The following ATAD2B variants were observed in gnomAD, a reference collection of about 807,000 sequenced individuals.
ATAD2B encodes the protein ATPase family AAA domain-containing protein 2B.
Under a neutral mutation model 167.6 loss-of-function variants are expected in ATAD2B, and 40 were observed. That is an observed-to-expected ratio of 0.24 (90% CI 0.19 to 0.31). The LOEUF is 0.31. Among genes scored for constraint, ATAD2B ranks in the 10% least tolerant of loss-of-function variants. ATAD2B has a pLI of 1.00. For synonymous variants in ATAD2B, 579 were observed against 596.5 expected, an observed-to-expected ratio of 0.97 and a Z score of 0.43; for missense variants, 1,242 against 1,757.2, an observed-to-expected ratio of 0.71 and a Z score of 5.24.
chr2:23,869,633 C>T (rs1243146352), intron 9 of ATAD2B, 30 bp downstream of exon 9: 1 of 1,456,846 alleles, frequency 6.9e-7, no homozygotes, highest in East Asian at 2.4e-5. Flanking sequence ...TTTTTTCTAC[C>T]ATGGAAATAA....
chr2:23,823,361 G>C lies in ATAD2B; in HGVS notation c.2028C>G (p.Ser676=). 6.2e-7 allele frequency: 1 copy of C among 1,613,884 alleles called. No homozygotes were observed. Among genetic ancestry groups the C allele is most frequent in the Non-Finnish European group, 8.5e-7 (1 of 1,179,834 alleles). The change falls in exon 16 of 28, where the codon TCC becomes TCG. Residue 676 remains serine (S), a synonymous_variant. Transcript: ENST00000238789. The part of the protein sequence containing the change: ...RAVMSSGHAL[S]PIIRPLLERS... ...TTTCCAGCAGTGGTCTTATGATGGG[G>C]GATAGTGCATGCCCTGAAGACATCA... is the stretch of plus-strand genomic sequence containing the variant.
intron 1 of ATAD2B, 40 bp downstream of exon 1, chr2:23,926,515 G>A: frequency 3.9e-6 from 6 of 1,529,148 alleles, no homozygotes; most frequent in Non-Finnish European, 5.3e-6. Context: ...AGCAGGGCCG[G>A]CACTTCCGAG....
At chr2:23,689,787 C>CG in the ATAD2B span, 1 of 152,252 alleles carries the variant, frequency 6.6e-6, no homozygotes, top group Admixed American at 6.5e-5. Context: ...GCTCTGGGGC[C>CG]GGGGGTGTTG....
intron 16 of ATAD2B, among the ~76,000 whole-genome samples, chr2:23,821,148 T>G (rs1687383765): frequency 6.6e-6 from 1 of 152,182 alleles, no homozygotes; most frequent in South Asian, 2.1e-4. Context: ...GTTGCTCTTC[T>G]CCACTGGTTC....
chr2:23,849,886 A>G (rs1692284829), intron 13 of ATAD2B, among the ~76,000 whole-genome samples: 1 of 152,224 alleles, frequency 6.6e-6, no homozygotes, highest in Non-Finnish European at 1.5e-5. Context: ...GTCTTATTTT[A>G]TATTTATAGA....
At chr2:23,808,200 T>G (rs1218320607) in intron 18 of ATAD2B, among the ~76,000 whole-genome samples, 1 of 121,608 alleles carries the variant, frequency 8.2e-6, no homozygotes, top group African/African-American at 3.1e-5. Flanking sequence ...TTTATATTTA[T>G]ATAAAAATAT....
chr2:23,878,143 C>T (rs562051310), intron 7 of ATAD2B, among the ~76,000 whole-genome samples: 52 of 151,744 alleles, frequency 3.4e-4, no homozygotes, highest in African/African-American at 1.2e-3. Flanking sequence ...TGTGGATCAC[C>T]TAAGGACAAG....
chr2:23,691,539 G>A, the ATAD2B span: 2 of 669,768 alleles, frequency 3.0e-6, no homozygotes, highest in Middle Eastern at 4.0e-4. Context: ...ATTAGGTTCA[G>A]GTGTGTCATT....
At chr2:23,868,947 G>A (rs531511475) in intron 9 of ATAD2B, among the ~76,000 whole-genome samples, 18 of 152,078 alleles carry the variant, frequency 1.2e-4, no homozygotes, top group South Asian at 4.1e-4. Context: ...AGAATAGTTC[G>A]GATTAAATAG....
chr2:23,725,955 A>G, the ATAD2B span, among the ~76,000 whole-genome samples: 1 of 152,136 alleles, frequency 6.6e-6, no homozygotes, highest in South Asian at 2.1e-4. Context: ...GGAAAACAGT[A>G]TGACAATTCC....
At chr2:23,861,620 G>C (rs2150021413) in intron 12 of ATAD2B, among the ~76,000 whole-genome samples, 1 of 151,072 alleles carries the variant, frequency 6.6e-6, no homozygotes, top group South Asian at 2.1e-4. Context: ...TTATGCTATG[G>C]TTTTAAATAA....
At chr2:23,686,041 G>A in the ATAD2B span, among the ~76,000 whole-genome samples, 1 of 152,222 alleles carries the variant, frequency 6.6e-6, no homozygotes. Flanking sequence ...GCACACAACA[G>A]AGAAGAACAC....
At chr2:23,879,265 A>G (rs1224219295) in intron 7 of ATAD2B, among the ~76,000 whole-genome samples, 4 of 152,212 alleles carry the variant, frequency 2.6e-5, no homozygotes, top group Admixed American at 2.6e-4. Flanking sequence ...GAATGGATAA[A>G]CAAATTGTGA....
chr2:23,754,420 C>A (rs1675711964), intron 26 of ATAD2B, 113 bp from the exon 27 acceptor site: 14 of 1,236,326 alleles, frequency 1.1e-5, no homozygotes, highest in Non-Finnish European at 1.6e-5. Context: ...TAACAGTGAA[C>A]ATGAAATTAA....
chr2:23,780,604 C>G (rs1679875361), intron 22 of ATAD2B, among the ~76,000 whole-genome samples: 1 of 151,942 alleles, frequency 6.6e-6, no homozygotes, highest in Non-Finnish European at 1.5e-5. Flanking sequence ...AATACAGATA[C>G]AAAACAAAGC....
At chr2:23,698,393 T>G in the ATAD2B span, among the ~76,000 whole-genome samples, 1 of 152,154 alleles carries the variant, frequency 6.6e-6, no homozygotes, top group East Asian at 1.9e-4. Flanking sequence ...GAAGTGTAGC[T>G]AGACCCCCTT....
At chr2:23,925,699 T>C (rs1423853188) in intron 1 of ATAD2B, among the ~76,000 whole-genome samples, 2 of 152,234 alleles carry the variant, frequency 1.3e-5, no homozygotes, top group African/African-American at 4.8e-5. Flanking sequence ...GATCTTTCAA[T>C]CAGTTTTTTA....
the ATAD2B span, among the ~76,000 whole-genome samples, chr2:23,699,310 G>C: frequency 7.2e-5 from 11 of 152,212 alleles, no homozygotes; most frequent in Non-Finnish European, 1.2e-4. Context: ...CAACCCTGGT[G>C]GCACAGCATG....
At chr2:23,836,337 G>T (rs1263697723) in intron 13 of ATAD2B, among the ~76,000 whole-genome samples, 1 of 152,186 alleles carries the variant, frequency 6.6e-6, no homozygotes, top group Non-Finnish European at 1.5e-5. Context: ...GTGGTGCCTG[G>T]AAGCTTGGAG....
Sources: gnomAD v4.1 joint callset for allele counts (sites outside exome capture counted in the v4.1 genomes callset) on GRCh38, gnomAD v4.1.1 for gene constraint, MANE v1.5 for transcripts, NCBI Gene and HGNC (gene_info 2026-07-23, HGNC 2026-07-21) for gene names.